MSL2: variants seen among roughly 807,000 people sequenced by gnomAD.
MSL2 encodes MSL complex subunit 2.
A neutral mutation model predicts 35.8 loss-of-function variants in MSL2; 2 were observed. That is an observed-to-expected ratio of 0.06 (90% CI 0.02 to 0.18). MSL2 has a LOEUF of 0.18. Among genes scored for constraint, MSL2 ranks in the 10% least tolerant of loss-of-function variants. The pLI, the probability that MSL2 is intolerant of heterozygous loss-of-function variation, is 1.00. For missense variants in MSL2, 523 were observed against 706.7 expected (o/e 0.74, Z 2.95); for synonymous variants, 296 against 255.7 (o/e 1.16, Z -1.50).
Position 136,148,961 on chromosome 3 carries a change from A to G in MSL2, c.*2186T>C, listed in dbSNP as rs536920544. 2.6e-5 allele frequency: 4 copies of G among 152,584 alleles called. No homozygotes were observed. The highest frequency in any genetic ancestry group is 6.5e-5 in the Admixed American group (1 of 15,272). The allele number at this position is 152,584 out of a possible 1,614,324, so 9.5% of individuals were successfully genotyped here. A position where few individuals can be genotyped will look rare whatever the true frequency, so the allele number is the denominator to read the frequency against. ...TTTATTGATAGATTTAAGGTGTAATACAGGTTTCCAAAAATGTGGCAGTGA... is the reference window on the plus strand; with the variant it reads ...TTTATTGATAGATTTAAGGTGTAATGCAGGTTTCCAAAAATGTGGCAGTGA... On this transcript the variant is annotated 3_prime_UTR_variant, in exon 2 of 2. Coordinates refer to ENST00000309993, the MANE Select transcript of MSL2 (RefSeq NM_018133.4).
At position 136,158,170 on chromosome 3, in the gene MSL2, G is replaced by T. The variant is rs187502938; in HGVS notation, c.143-5432C>A. Among the ~76,000 whole-genome samples the T allele has an allele frequency of 6.9e-3, 1,048 of 151,998 alleles. 15 individuals are homozygous for T. Among genetic ancestry groups the T allele is most frequent in the African/African-American group, 0.023 (968 of 41,454 alleles). On this transcript the variant is annotated intron_variant, in intron 1 of 1. Coordinates refer to ENST00000309993, the MANE Select transcript of MSL2 (RefSeq NM_018133.4). Reference sequence around the variant, plus strand: ...CTACTAAAAATGCAAAAATTAGCCGGGCGTGGTGGCGCATGCCTGTAATCC... The same window carrying T: ...CTACTAAAAATGCAAAAATTAGCCGTGCGTGGTGGCGCATGCCTGTAATCC...
chr3:136,154,750 AGTCT>A (rs1450324710), intron 1 of MSL2, among the ~76,000 whole-genome samples: 1 of 152,226 alleles, frequency 6.6e-6, no homozygotes, highest in Non-Finnish European at 1.5e-5. Context: ...TAGCTCTGAA[AGTCT>A]GTATCAGAAA....
chr3:136,158,645 C>T (rs536669734), intron 1 of MSL2, among the ~76,000 whole-genome samples: 8 of 152,196 alleles, frequency 5.3e-5, no homozygotes, highest in African/African-American at 1.4e-4. Flanking sequence ...AAAAAAAAGG[C>T]ATCAAGACTA....
At chr3:136,167,103 C>CAACTA in intron 1 of MSL2, among the ~76,000 whole-genome samples, 1 of 152,114 alleles carries the variant, frequency 6.6e-6, no homozygotes, top group East Asian at 1.9e-4. Flanking sequence ...TAATACTTAG[C>CAACTA]AAAATTTGTT....
chr3:136,191,177 A>C (rs979546528), intron 1 of MSL2, among the ~76,000 whole-genome samples: 1 of 152,128 alleles, frequency 6.6e-6, no homozygotes, highest in Admixed American at 6.6e-5. Flanking sequence ...GGGTTCAAAA[A>C]CTTTTTTCAG....
chr3:136,168,901 C>G (rs1939930141), intron 1 of MSL2, among the ~76,000 whole-genome samples: 1 of 152,010 alleles, frequency 6.6e-6, no homozygotes, highest in Non-Finnish European at 1.5e-5. Context: ...GATAACTTTA[C>G]TGATCATCTA....
Position 136,195,707 on chromosome 3 carries a change from G to A in MSL2, c.-594C>T, listed in dbSNP as rs1940824046. 3 of 985,336 alleles carry A rather than the reference G, an allele frequency of 3.0e-6. No homozygotes were observed. The highest frequency in any genetic ancestry group is 3.6e-6 in the Non-Finnish European group (3 of 829,884). 61.0% of individuals were successfully genotyped at this position (985,336 alleles called of 1,614,324 possible). On this transcript the variant is annotated 5_prime_UTR_variant, in exon 1 of 2. Coordinates refer to ENST00000309993, the MANE Select transcript of MSL2 (RefSeq NM_018133.4). ...GTTGATGTTGCGGCTGGCGGACGCC[G>A]CCGCCGCGCTCTCCATATCGGACGC... is the stretch of plus-strand genomic sequence containing the variant.
chr3:136,152,854 G>T, intron 1 of MSL2, 116 bp from the exon 2 acceptor site: 1 of 1,458,374 alleles, frequency 6.9e-7, no homozygotes, highest in Non-Finnish European at 9.0e-7. Flanking sequence ...AAACTCACTA[G>T]ACCAGATAAC....
chr3:136,160,876 C>G (rs1407032826), intron 1 of MSL2, among the ~76,000 whole-genome samples: 1 of 152,062 alleles, frequency 6.6e-6, no homozygotes, highest in Admixed American at 6.6e-5. Flanking sequence ...ATCACGAGGT[C>G]AGGAGATCGA....
chr3:136,162,689 GTAAA>G (rs2108068762), intron 1 of MSL2, among the ~76,000 whole-genome samples: 1 of 152,262 alleles, frequency 6.6e-6, no homozygotes, highest in South Asian at 2.1e-4. Flanking sequence ...TTCAAACCAT[GTAAA>G]TATTTTATAT....
chr3:136,180,213 A>T (rs957605914), intron 1 of MSL2, among the ~76,000 whole-genome samples: 1 of 151,782 alleles, frequency 6.6e-6, no homozygotes, highest in African/African-American at 2.4e-5. Context: ...TCCGACTAAA[A>T]TTTTTTTTTA....
intron 1 of MSL2, chr3:136,194,677 A>G: frequency 6.3e-6 from 2 of 317,942 alleles, no homozygotes; most frequent in East Asian, 9.8e-5. Flanking sequence ...AAAAAAAAAA[A>G]GCCTTGTGCA....
intron 1 of MSL2, among the ~76,000 whole-genome samples, chr3:136,176,861 C>A (rs577705442): frequency 2.6e-5 from 4 of 152,240 alleles, no homozygotes; most frequent in African/African-American, 4.8e-5. Context: ...AAATAAATAT[C>A]TTTTCTTTAT....
intron 1 of MSL2, among the ~76,000 whole-genome samples, chr3:136,190,096 C>G (rs1312405724): frequency 4.6e-5 from 7 of 151,906 alleles, no homozygotes; most frequent in Non-Finnish European, 1.0e-4. Context: ...TAAAAAATTA[C>G]TAATTTTTCT....
At chr3:136,158,954 G>C (rs747075683) in intron 1 of MSL2, among the ~76,000 whole-genome samples, 2 of 152,164 alleles carry the variant, frequency 1.3e-5, no homozygotes, top group Non-Finnish European at 2.9e-5. Flanking sequence ...AAATTAAAGA[G>C]TATCTAAACA....
chr3:136,159,293 T>C (rs1939627315), intron 1 of MSL2, among the ~76,000 whole-genome samples: 1 of 151,220 alleles, frequency 6.6e-6, no homozygotes, highest in East Asian at 1.9e-4. Flanking sequence ...ATTACATTTA[T>C]GGTCAACCAA....
chr3:136,178,579 C>CTGGAG (rs1940249050), intron 1 of MSL2, among the ~76,000 whole-genome samples: 1 of 149,916 alleles, frequency 6.7e-6, no homozygotes, highest in Non-Finnish European at 1.5e-5. Context: ...GTCGCCCAGG[C>CTGGAG]TGGAGTGCAG....
intron 1 of MSL2, among the ~76,000 whole-genome samples, chr3:136,159,529 A>ATTTTTTT (rs71624086): frequency 3.1e-4 from 42 of 135,912 alleles, no homozygotes; most frequent in African/African-American, 1.1e-3. Flanking sequence ...ACGCCCAGCT[A>ATTTTTTT]TTTTTTTTTT....
chr3:136,168,606 T>C (rs2108073914), intron 1 of MSL2, among the ~76,000 whole-genome samples: 1 of 152,070 alleles, frequency 6.6e-6, no homozygotes, highest in East Asian at 1.9e-4. Flanking sequence ...CATCTGAGCC[T>C]GTTGGGGGTA....
Sources: gnomAD v4.1 joint callset for allele counts (sites outside exome capture counted in the v4.1 genomes callset) on GRCh38, gnomAD v4.1.1 for gene constraint, MANE v1.5 for transcripts, NCBI Gene and HGNC (gene_info 2026-07-23, HGNC 2026-07-21) for gene names.